Variants in FGF10 observed in about 807,000 individuals in gnomAD.
FGF10 encodes the protein FGF-10.
Under a neutral mutation model 19.8 loss-of-function variants are expected in FGF10, and 2 were observed. The observed-to-expected ratio is 0.10, with a 90% confidence interval of 0.04 to 0.32. The LOEUF is 0.32. Among genes scored for constraint, FGF10 ranks in the 10% least tolerant of loss-of-function variants. The pLI, the probability that FGF10 is intolerant of heterozygous loss-of-function variation, is 1.00. For synonymous variants in FGF10, 112 were observed against 94.0 expected (o/e 1.19, Z -1.10); for missense variants, 191 against 246.3 (o/e 0.78, Z 1.50).
At chr5:44,325,778 G>A (rs1037718265) in intron 1 of FGF10, among the ~76,000 whole-genome samples, 3 of 151,772 alleles carry the variant, frequency 2.0e-5, no homozygotes, top group Non-Finnish European at 2.9e-5. Flanking sequence ...TGTAAATGAC[G>A]AGTTAATGGG....
chr5:44,319,123 C>G (rs1740422329), intron 1 of FGF10, among the ~76,000 whole-genome samples: 1 of 152,150 alleles, frequency 6.6e-6, no homozygotes, highest in Non-Finnish European at 1.5e-5. Context: ...CATTTACAAA[C>G]AGTTGGCAGC....
At chr5:44,342,408 C>A (rs1406144582) in intron 1 of FGF10, among the ~76,000 whole-genome samples, 2 of 151,464 alleles carry the variant, frequency 1.3e-5, no homozygotes, top group African/African-American at 2.4e-5. Flanking sequence ...GTCACAAATT[C>A]TTTTATAACA....
chr5:44,318,472 CT>C (rs1268549828), intron 1 of FGF10, among the ~76,000 whole-genome samples: 1 of 152,128 alleles, frequency 6.6e-6, no homozygotes, highest in Non-Finnish European at 1.5e-5. Context: ...CCACATCCCA[CT>C]TTTGTCTCTA....
chr5:44,322,009 C>T (rs147222149), intron 1 of FGF10, among the ~76,000 whole-genome samples: 1,907 of 152,204 alleles, frequency 0.013, 79 homozygotes, highest in East Asian at 0.1. Context: ...GTGATCTGCC[C>T]GCCTTAGCCT....
Position 44,388,898 on chromosome 5 carries a change from C to A in FGF10, c.-216G>T. On this transcript the variant is annotated 5_prime_UTR_variant, in exon 1 of 3. Transcript: ENST00000264664. Reference sequence around the variant, plus strand: ...TCCTTTCTCGGATCCGCTGCCTACGCCTCTGGAGCCTCCCGGTAAATGGTG... The same window carrying A: ...TCCTTTCTCGGATCCGCTGCCTACGACTCTGGAGCCTCCCGGTAAATGGTG... 1.6e-6 allele frequency: 1 copy of A among 606,892 alleles called. No homozygotes were observed. The highest frequency in any genetic ancestry group is 3.0e-6 in the Non-Finnish European group (1 of 337,130). The allele number at this position is 606,892 out of a possible 1,614,324, so 37.6% of individuals were successfully genotyped here.
Position 44,378,854 on chromosome 5 carries a change from G to C in FGF10, c.325+9504C>G, listed in dbSNP as rs559322835. Among the ~76,000 whole-genome samples the C allele has an allele frequency of 2.4e-4, 37 of 152,218 alleles. 1 individual carries two copies. The highest frequency in any genetic ancestry group is 8.9e-4 in the African/African-American group (37 of 41,524). On this transcript the variant is annotated intron_variant, in intron 1 of 2. Transcript: ENST00000264664. ...TGTTGCTTTCCTGATGTTTCCCCTT[G>C]AAATAAGAGGAAGCATCGTATTTAC...
At position 44,342,105 on chromosome 5, in the gene FGF10, T is replaced by A. The variant is rs990717877; in HGVS notation, c.326-31575A>T. 2.0e-5 allele frequency among the ~76,000 whole-genome samples: 3 copies of A among 152,012 alleles called. No homozygotes were observed. The East Asian group carries it at 5.8e-4, about 29-fold the overall frequency. Reference sequence around the variant, plus strand: ...TTAAAACTATCTGGAAGTTAGTAAATTTTTATTCTCAGTCCATGCTACCAC... The same window carrying A: ...TTAAAACTATCTGGAAGTTAGTAAAATTTTATTCTCAGTCCATGCTACCAC... On this transcript the variant is annotated intron_variant, in intron 1 of 2. Transcript: ENST00000264664.
intron 1 of FGF10, among the ~76,000 whole-genome samples, chr5:44,378,865 A>G (rs1018141659): frequency 3.9e-5 from 6 of 152,202 alleles, no homozygotes; most frequent in Non-Finnish European, 8.8e-5. Context: ...AAATAAGAGG[A>G]AGCATCGTAT....
intron 1 of FGF10, among the ~76,000 whole-genome samples, chr5:44,312,814 C>CA (rs1461701130): frequency 7.2e-5 from 11 of 152,012 alleles, no homozygotes; most frequent in African/African-American, 2.2e-4. Context: ...TGATTTTAAG[C>CA]AAAAAATAAA....
intron 1 of FGF10, among the ~76,000 whole-genome samples, chr5:44,368,665 A>AT (rs759296449): frequency 1.5e-4 from 23 of 151,954 alleles, no homozygotes; most frequent in East Asian, 9.8e-4. Flanking sequence ...TGTGCTGTCA[A>AT]TTTTTTTGTT....
chr5:44,353,209 C>T (rs1459284106), intron 1 of FGF10, among the ~76,000 whole-genome samples: 2 of 151,646 alleles, frequency 1.3e-5, no homozygotes, highest in East Asian at 3.9e-4. Flanking sequence ...CATAGTCCCT[C>T]TTCAATATCC....
intron 1 of FGF10, among the ~76,000 whole-genome samples, chr5:44,360,710 G>T (rs1741461492): frequency 6.6e-6 from 1 of 151,650 alleles, no homozygotes. Flanking sequence ...CATGGGAGCT[G>T]AAATCTTAAT....
At chr5:44,377,790 A>G (rs1741900008) in intron 1 of FGF10, among the ~76,000 whole-genome samples, 1 of 152,230 alleles carries the variant, frequency 6.6e-6, no homozygotes, top group Non-Finnish European at 1.5e-5. Flanking sequence ...ACCCAAGTCT[A>G]AACACAAAAC....
At position 44,388,697 on chromosome 5, in the gene FGF10, C is replaced by A. The variant is rs201772112; in HGVS notation, c.-15G>T. ...CATTTCCACATTGTACTGAAACTCT[C>A]GGCACTGGAAATTGTCTCATCAGAA... On this transcript the variant is annotated 5_prime_UTR_variant, in exon 1 of 3. Transcript: ENST00000264664. The A allele has an allele frequency of 6.2e-7, 1 of 1,613,368 alleles. No individual in the cohort carries two copies. The highest frequency in any genetic ancestry group is 2.2e-5 in the East Asian group (1 of 44,854).
intron 1 of FGF10, among the ~76,000 whole-genome samples, chr5:44,373,559 A>C (rs533537560): frequency 4.2e-4 from 64 of 152,252 alleles, no homozygotes; most frequent in African/African-American, 1.4e-3. Context: ...TGTTTTTCAT[A>C]CAACGTAGAA....
In FGF10 at chr5:44,310,601, G is replaced by T. The variant is rs566636962; in HGVS notation, c.326-71C>A. On this transcript the variant is annotated intron_variant, in intron 1 of 2. Transcript: ENST00000264664. The stretch of plus-strand genomic sequence containing the variant: ...ATTTGGAAGAAAAGTAAAATCAAAA[G>T]AAACTATTGAGTTGTTTTTTGTGTG... The T allele has an allele frequency of 1.1e-4, 121 of 1,148,930 alleles. No homozygotes were observed. The South Asian group carries it at 1.3e-3, about 12-fold the overall frequency. The allele number at this position is 1,148,930 out of a possible 1,614,324, so 71.2% of individuals were successfully genotyped here.
intron 1 of FGF10, among the ~76,000 whole-genome samples, chr5:44,369,412 C>CT (rs1741694694): frequency 2.0e-5 from 3 of 152,060 alleles, no homozygotes; most frequent in Admixed American, 2.0e-4. Context: ...ACTTTGAGGG[C>CT]TAGGTTCCCG....
chr5:44,383,392 TC>T (rs1240393598), intron 1 of FGF10, among the ~76,000 whole-genome samples: 1 of 152,144 alleles, frequency 6.6e-6, no homozygotes, highest in East Asian at 1.9e-4. Context: ...TTCTTCTACT[TC>T]TTTTTCTTTT....
intron 1 of FGF10, among the ~76,000 whole-genome samples, chr5:44,333,491 T>C (rs1740783472): frequency 6.6e-6 from 1 of 152,306 alleles, no homozygotes; most frequent in East Asian, 1.9e-4. Flanking sequence ...AGAAGATTAA[T>C]AGTCATCCCA....
Sources: gnomAD v4.1 joint callset for allele counts (sites outside exome capture counted in the v4.1 genomes callset) on GRCh38, gnomAD v4.1.1 for gene constraint, MANE v1.5 for transcripts, NCBI Gene and HGNC (gene_info 2026-07-23, HGNC 2026-07-21) for gene names.